Variants in MRNIP observed in about 807,000 individuals in gnomAD.
MRNIP encodes the protein MRN complex interacting protein.
MRNIP carries 30 observed loss-of-function variants against 29.8 expected under a neutral mutation model. The observed-to-expected ratio is 1.01, with a 90% CI of 0.75 to 1.36. The LOEUF (loss-of-function observed/expected upper bound fraction) is 1.36. Among genes scored for constraint, MRNIP ranks in the 40% most tolerant of loss-of-function variants. The pLI is 0.00. For synonymous variants in MRNIP, 201 were observed against 164.1 expected (o/e 1.23, Z -1.72); for missense variants, 459 against 423.5 (o/e 1.08, Z -0.74).
intron 2 of MRNIP, among the ~76,000 whole-genome samples, chr5:179,852,740 G>C (rs269461): frequency 0.061 from 9,316 of 152,258 alleles, 333 homozygotes; most frequent in Middle Eastern, 0.13. Flanking sequence ...GTGGCACTGG[G>C]GCTGGAGCAG....
rs750023357 is a variant in MRNIP at position 179,842,098 on chromosome 5, C to A, written c.292-34G>T. On this transcript the variant is annotated intron_variant, in intron 4 of 6. Transcript: ENST00000292586. ...TTGAGAAAAAAGTTGATTCTCAGTA[C>A]TGGAAACCAGGCAGTTTTATCGAAA... 3 of 1,608,212 alleles carry A rather than the reference C, an allele frequency of 1.9e-6. 1 individual carries two copies. The South Asian group carries it at 3.3e-5, about 18-fold the overall frequency.
intron 1 of MRNIP, among the ~76,000 whole-genome samples, chr5:179,857,787 C>T (rs954041960): frequency 2.6e-5 from 4 of 152,146 alleles, no homozygotes; most frequent in South Asian, 2.1e-4. Flanking sequence ...CCGAGGCAGG[C>T]GGGTCACCTG....
Position 179,845,558 on chromosome 5 carries a change from G to A in MRNIP, c.216-1331C>T, listed in dbSNP as rs191457823. ...CAGGCCTCACTTGAGCCTGGGAGGC[G>A]GAGGTTGGCTAACTGCAACCTCTGC... On this transcript the variant is annotated intron_variant, in intron 3 of 6. Transcript: ENST00000292586. Among the ~76,000 whole-genome samples, 72 of 151,228 alleles carry A rather than the reference G, an allele frequency of 4.8e-4. 1 individual carries two copies. In the East Asian group the frequency reaches 6.7e-3, roughly 14 times the overall value.
intron 3 of MRNIP, 173 bp from the exon 4 acceptor site, chr5:179,844,400 C>A: frequency 1.9e-6 from 1 of 538,030 alleles, no homozygotes; most frequent in Non-Finnish European, 3.3e-6. Flanking sequence ...CCCAGCTACT[C>A]AGGAGGCTGA....
At chr5:179,851,895 G>T (rs749201983) in intron 2 of MRNIP, among the ~76,000 whole-genome samples, 1 of 151,374 alleles carries the variant, frequency 6.6e-6, no homozygotes, top group African/African-American at 2.4e-5. Flanking sequence ...GGAGAATGGC[G>T]TAAACCCAGG....
intron 2 of MRNIP, among the ~76,000 whole-genome samples, chr5:179,852,658 A>T (rs186042095): frequency 6.6e-6 from 1 of 152,268 alleles, no homozygotes; most frequent in East Asian, 1.9e-4. Context: ...AGAGGGAGCA[A>T]ATTTGGGTTT....
chr5:179,854,558 CT>C (rs1405385734), intron 1 of MRNIP, among the ~76,000 whole-genome samples: 1 of 152,158 alleles, frequency 6.6e-6, no homozygotes, highest in East Asian at 1.9e-4. Context: ...GCCAAGACTA[CT>C]CGAGCCCAGG....
rs555556720 is a variant in MRNIP, at chr5:179,840,978, C to G, written c.450-19G>C. 1.3e-5 allele frequency: 21 copies of G among 1,561,620 alleles called. No individual in the cohort carries two copies. The highest frequency in any genetic ancestry group is 1.7e-5 in the Non-Finnish European group (20 of 1,145,230). On this transcript the variant is annotated intron_variant, in intron 5 of 6. Coordinates refer to ENST00000292586, the MANE Select transcript of MRNIP (RefSeq NM_016175.4). ...CCACTTCCTGTCAGGACAGGACCGT[C>G]AGTAGTCCCGTGCTACTCTCCAGTG... is the stretch of plus-strand genomic sequence containing the variant.
At position 179,837,446 on chromosome 5, in the gene MRNIP, G is replaced by A. The variant is rs759522250; in HGVS notation, c.977C>T (p.Pro326Leu). The A allele has an allele frequency of 6.2e-7, 1 of 1,611,814 alleles. No homozygotes were observed. The highest frequency in any genetic ancestry group is 8.5e-7 in the Non-Finnish European group (1 of 1,178,592). Residue 326 changes from proline (P) to leucine (L), a missense_variant, in exon 7 of 7, where the codon CCC becomes CTC. Physicochemically the swap from Pro to Leu is moderately conservative, Grantham distance 98 (BLOSUM62 -3). Coordinates refer to ENST00000292586, the MANE Select transcript of MRNIP (RefSeq NM_016175.4). Reference protein sequence around the residue: ...PLVLEAQNPRPTRLCDLFITG... With the variant: ...PLVLEAQNPRLTRLCDLFITG... ...TATAAAGAGGTCACATAGTCGTGTG[G>A]GTCGAGGATTCTGTGCCTCCAGGAC...
chr5:179,840,774 G>A, intron 6 of MRNIP, 98 bp downstream of exon 6: 1 of 915,340 alleles, frequency 1.1e-6, no homozygotes, highest in East Asian at 2.6e-5. Flanking sequence ...CTTTCTGCGG[G>A]TAGGAATCGC....
intron 3 of MRNIP, chr5:179,847,308 C>T (rs1759179874): frequency 6.6e-6 from 1 of 151,948 alleles, no homozygotes; most frequent in Non-Finnish European, 1.5e-5. Flanking sequence ...GCTGGGATCA[C>T]AGGCATGCAA....
chr5:179,838,203 G>C (rs917370404), intron 6 of MRNIP: 5 of 409,852 alleles, frequency 1.2e-5, no homozygotes, highest in Admixed American at 7.8e-5. Flanking sequence ...TGAGCAGAAG[G>C]GCCTCGAGAC....
chr5:179,858,671 C>T, intron 1 of MRNIP, 60 bp downstream of exon 1: 1 of 1,134,840 alleles, frequency 8.8e-7, no homozygotes, highest in Non-Finnish European at 1.2e-6. Flanking sequence ...CACAGCCCCG[C>T]CACTCCCCGT....
chr5:179,847,806 G>A (rs949253738), intron 3 of MRNIP, 172 bp downstream of exon 3: 15 of 578,878 alleles, frequency 2.6e-5, no homozygotes, highest in African/African-American at 7.5e-5. Context: ...AAACATCCCC[G>A]GGGTCGGTTC....
In MRNIP at chr5:179,837,363, T is replaced by A. The variant is rs780652376; in HGVS notation, c.*28A>T. ...AACCCTGTCCCTCCTAACAAGTGTATCTCGATTAATAACCTGCCAGTCCCA... is the reference window on the plus strand; with the variant it reads ...AACCCTGTCCCTCCTAACAAGTGTAACTCGATTAATAACCTGCCAGTCCCA... On this transcript the variant is annotated 3_prime_UTR_variant, in exon 7 of 7. Coordinates refer to ENST00000292586, the MANE Select transcript of MRNIP (RefSeq NM_016175.4). 1 of 1,581,448 alleles carries A rather than the reference T, an allele frequency of 6.3e-7. No individual in the cohort carries two copies. The highest frequency in any genetic ancestry group is 1.2e-5 in the South Asian group (1 of 85,972).
In MRNIP at chr5:179,841,196, AGTGCAAT is replaced by A. The variant is rs1758869435; in HGVS notation, c.450-244_450-238del. 7.4e-6 allele frequency: 4 copies of A among 536,990 alleles called. No homozygotes were observed. The East Asian group carries it at 1.3e-4, about 17-fold the overall frequency. The allele number at this position is 536,990 out of a possible 1,614,324, so 33.3% of individuals were successfully genotyped here. On this transcript the variant is annotated intron_variant, in intron 5 of 6. Transcript: ENST00000292586. ...AGGGTCTCACCGGCACCCAGGCTGG[AGTGCAAT>A]GGCTCACTGCCGCCTTGACCTCCTG...
chr5:179,837,369 T>C lies in MRNIP; in HGVS notation c.*22A>G, dbSNP rs748378859. 1 of 1,581,686 alleles carries C rather than the reference T, an allele frequency of 6.3e-7. No homozygotes were observed. Among genetic ancestry groups the C allele is most frequent in the South Asian group, 1.2e-5 (1 of 86,236 alleles). ...GTCCCTCCTAACAAGTGTATCTCGA[T>C]TAATAACCTGCCAGTCCCAGATCAC... On this transcript the variant is annotated 3_prime_UTR_variant, in exon 7 of 7. Coordinates refer to ENST00000292586, the MANE Select transcript of MRNIP (RefSeq NM_016175.4).
rs1582056078 is a variant in MRNIP at position 179,853,110 on chromosome 5, G to A, written c.126+268C>T. ...CATCTGTGAGGGCAAGAATGACAATGGGCTTACTTTCCACTGTTCCCCTTG... is the reference window on the plus strand; with the variant it reads ...CATCTGTGAGGGCAAGAATGACAATAGGCTTACTTTCCACTGTTCCCCTTG... On this transcript the variant is annotated intron_variant, in intron 2 of 6. Transcript: ENST00000292586. 5 of 833,182 alleles carry A rather than the reference G, an allele frequency of 6.0e-6. No individual in the cohort carries two copies. In the East Asian group the frequency reaches 1.6e-4, roughly 27 times the overall value. 51.6% of individuals were successfully genotyped at this position (833,182 alleles called of 1,614,324 possible).
At chr5:179,842,760 C>T (rs950865949) in intron 4 of MRNIP, among the ~76,000 whole-genome samples, 37 of 144,776 alleles carry the variant, frequency 2.6e-4, no homozygotes, top group East Asian at 1.0e-3. Context: ...TGGCCAGGCG[C>T]GGTGGCTCAC....
Sources: gnomAD v4.1 joint callset for allele counts (sites outside exome capture counted in the v4.1 genomes callset) on GRCh38, gnomAD v4.1.1 for gene constraint, MANE v1.5 for transcripts, NCBI Gene and HGNC (gene_info 2026-07-23, HGNC 2026-07-21) for gene names.